The following GAREM2 variants were observed in gnomAD, a reference collection of about 807,000 sequenced individuals.
GAREM2 encodes GRB2 associated regulator of MAPK1 subtype 2.
A neutral mutation model predicts 55.6 loss-of-function variants in GAREM2; 30 were observed. That is an observed-to-expected ratio of 0.54 (90% CI 0.40 to 0.73). The LOEUF (loss-of-function observed/expected upper bound fraction) is 0.73, where lower values mean the gene tolerates loss of function less well. Among genes scored for constraint, GAREM2 ranks in the 30% least tolerant of loss-of-function variants. The pLI, the probability that GAREM2 is intolerant of heterozygous loss-of-function variation, is 0.00. For missense variants in GAREM2, 1,075 were observed against 1,257.7 expected (o/e 0.85, Z 2.20); for synonymous variants, 550 against 569.1 (o/e 0.97, Z 0.48).
chr2:26,194,260 G>T (rs778018542), downstream of GAREM2, among the ~76,000 whole-genome samples: 44 of 152,296 alleles, frequency 2.9e-4, no homozygotes, highest in Non-Finnish European at 5.9e-4. Flanking sequence ...AACCAAGCGG[G>T]CCCTGTTCTG....
intron 3 of GAREM2, among the ~76,000 whole-genome samples, chr2:26,184,012 A>T (rs2147733587): frequency 6.6e-6 from 1 of 152,402 alleles, no homozygotes; most frequent in East Asian, 1.9e-4. Flanking sequence ...AGTAAGAGTT[A>T]TCAGATATGG....
downstream of GAREM2, chr2:26,192,518 G>A: frequency 3.8e-6 from 3 of 780,060 alleles, no homozygotes; most frequent in Non-Finnish European, 6.9e-6. Context: ...CAGGCGTGGT[G>A]GCTCACGCCT....
intron 2 of GAREM2, among the ~76,000 whole-genome samples, 174 bp downstream of exon 2, chr2:26,176,658 G>A (rs1016539661): frequency 3.3e-5 from 5 of 152,164 alleles, no homozygotes; most frequent in Admixed American, 2.6e-4. Context: ...TTCTGGAGAG[G>A]TGGCTCACAG....
chr2:26,186,061 G>A, intron 4 of GAREM2, 128 bp from the exon 5 acceptor site: 1 of 897,354 alleles, frequency 1.1e-6, no homozygotes. Flanking sequence ...GGGGTGCAAG[G>A]CAGCCTATTG....
Position 26,181,998 on chromosome 2 carries a change from A to G in GAREM2, c.254-969A>G, listed in dbSNP as rs373245533. The G allele has an allele frequency of 1.7e-5, 17 of 991,024 alleles. 1 individual carries two copies. In the East Asian group the frequency reaches 6.7e-4, roughly 39 times the overall value. 61.4% of individuals were successfully genotyped at this position (991,024 alleles called of 1,614,324 possible). A position where few individuals can be genotyped will look rare whatever the true frequency, so the allele number is the denominator to read the frequency against. On this transcript the variant is annotated intron_variant, in intron 2 of 5. Transcript: ENST00000401533. ...TCTCAAAAAAAACACCCAGAGGCTA[A>G]AGAGTCACCTTGTCTTCTCTCGACT...
chr2:26,190,404 A>C (rs568290574), downstream of GAREM2, among the ~76,000 whole-genome samples: 3 of 152,128 alleles, frequency 2.0e-5, no homozygotes, highest in African/African-American at 7.2e-5. Context: ...GAGGGGCTGA[A>C]GCTTTGGGGG....
chr2:26,185,544 C>G (rs1349938541), intron 4 of GAREM2, among the ~76,000 whole-genome samples: 4 of 152,158 alleles, frequency 2.6e-5, no homozygotes, highest in Non-Finnish European at 5.9e-5. Context: ...CACTGTTACC[C>G]AGAAGGTACC....
rs941428463 is a variant in GAREM2, at chr2:26,189,176, G to C, written c.*919G>C. The C allele has an allele frequency of 2.6e-5, 4 of 152,222 alleles. No homozygotes were observed. Among genetic ancestry groups the C allele is most frequent in the Non-Finnish European group, 4.4e-5 (3 of 68,056 alleles). 9.4% of individuals were successfully genotyped at this position (152,222 alleles called of 1,614,324 possible). The stretch of plus-strand genomic sequence containing the variant: ...CATCATTTGTCTCTGACAATACTTG[G>C]TGTTTTTCCCTGGTTTTCTGTCACT... On this transcript the variant is annotated 3_prime_UTR_variant, in exon 6 of 6. Coordinates refer to ENST00000401533, the MANE Select transcript of GAREM2 (RefSeq NM_001168241.2).
At chr2:26,184,122 C>A in intron 3 of GAREM2, 111 bp from the exon 4 acceptor site, 1 of 1,468,762 alleles carries the variant, frequency 6.8e-7, no homozygotes, top group Non-Finnish European at 9.1e-7. Flanking sequence ...TAGTCCGAGC[C>A]CCGGGAGGGC....
the GAREM2 span, chr2:26,201,453 G>T: frequency 1.5e-6 from 1 of 656,214 alleles, no homozygotes; most frequent in South Asian, 1.9e-5. Flanking sequence ...CATTTTGAGG[G>T]AGACTTTCAA....
intron 2 of GAREM2, chr2:26,182,137 T>A: frequency 3.2e-6 from 4 of 1,249,868 alleles, no homozygotes; most frequent in Non-Finnish European, 4.0e-6. Context: ...GGTATGCATA[T>A]AACAGGTGTC....
the GAREM2 span, chr2:26,197,864 C>T: frequency 3.1e-5 from 24 of 776,446 alleles, 1 homozygote; most frequent in South Asian, 3.3e-4. Context: ...GACACCTGGG[C>T]CCAGCCCACT....
Position 26,188,295 on chromosome 2 carries a change from T to TGG in GAREM2, c.*42_*43dup. The TGG allele has an allele frequency of 2.1e-6, 3 of 1,414,526 alleles. No homozygotes were observed. The highest frequency in any genetic ancestry group is 2.8e-6 in the Non-Finnish European group (3 of 1,075,238). The allele number at this position is 1,414,526 out of a possible 1,614,324, so 87.6% of individuals were successfully genotyped here. The stretch of plus-strand genomic sequence containing the variant: ...GAGCTGCACAGCTGGAATGCTGGTA[T>TGG]GGGGGCCCCAGGTACAGCACTCCGG... On this transcript the variant is annotated 3_prime_UTR_variant, in exon 6 of 6. Coordinates refer to ENST00000401533, the MANE Select transcript of GAREM2 (RefSeq NM_001168241.2).
At chr2:26,185,384 G>C in intron 4 of GAREM2, 108 bp downstream of exon 4, 1 of 1,377,396 alleles carries the variant, frequency 7.3e-7, no homozygotes, top group South Asian at 1.6e-5. Context: ...CTTCCTCGGC[G>C]GGGTGGGGAA....
In GAREM2 at chr2:26,186,282, C is replaced by T; in HGVS notation, c.1522C>T (p.Pro508Ser). ...GCTCTCCAGCAGCCCCCCGGTTCCC[C>T]CTCGCTTCCCCAAGCTGCAGCCGGT... Reference protein sequence around the residue: ...GRLSSSPPVPPRFPKLQPVHS... With the variant: ...GRLSSSPPVPSRFPKLQPVHS... Residue 508 changes from proline to serine, a missense_variant, in exon 5 of 6, where the codon CCT (proline) becomes TCT (serine). Physicochemically the swap from Pro to Ser is moderately conservative, Grantham distance 74. Transcript: ENST00000401533. 1.9e-6 allele frequency: 3 copies of T among 1,551,256 alleles called. No homozygotes were observed. Among genetic ancestry groups the T allele is most frequent in the South Asian group, 1.2e-5 (1 of 84,032 alleles).
intron 1 of GAREM2, among the ~76,000 whole-genome samples, chr2:26,173,680 C>T (rs1382568396): frequency 2.0e-5 from 3 of 152,002 alleles, no homozygotes; most frequent in Non-Finnish European, 4.4e-5. Context: ...GCCGCGCCCC[C>T]TTGGTCCCTT....
At chr2:26,174,913 C>T (rs1668811890) in intron 1 of GAREM2, among the ~76,000 whole-genome samples, 1 of 152,156 alleles carries the variant, frequency 6.6e-6, no homozygotes, top group Non-Finnish European at 1.5e-5. Flanking sequence ...GAAGATGGGG[C>T]TAGGACCCAG....
the GAREM2 span, among the ~76,000 whole-genome samples, chr2:26,201,613 C>G: frequency 6.6e-6 from 1 of 152,098 alleles, no homozygotes; most frequent in Non-Finnish European, 1.5e-5. Flanking sequence ...ACTCTTAAAC[C>G]AGTTAAATTT....
chr2:26,182,337 T>C, intron 2 of GAREM2: 1 of 1,480,854 alleles, frequency 6.8e-7, no homozygotes. Flanking sequence ...TCTGGGAGAG[T>C]AGGATTGGAT....
Sources: allele counts gnomAD v4.1 joint callset (sites outside exome capture counted in the v4.1 genomes callset), GRCh38; gene constraint gnomAD v4.1.1; transcripts MANE v1.5; gene names NCBI Gene and HGNC (gene_info 2026-07-23, HGNC 2026-07-21).